CDYL: variants seen among roughly 807,000 people sequenced by gnomAD.
CDYL encodes chromodomain Y-like protein.
A neutral mutation model predicts 47.3 loss-of-function variants in CDYL; 8 were observed. The observed-to-expected ratio is 0.17, with a 90% CI of 0.10 to 0.31. CDYL has a LOEUF of 0.31. Among genes scored for constraint, CDYL ranks in the 10% least tolerant of loss-of-function variants. The probability of loss-of-function intolerance (pLI) is 1.00; values close to 1 mark genes in which losing one functional copy is unlikely to be tolerated. For missense variants in CDYL, 471 were observed against 701.4 expected (o/e 0.67, Z 3.71); for synonymous variants, 266 against 265.0 (o/e 1.00, Z -0.04).
intron 1 of CDYL, among the ~76,000 whole-genome samples, chr6:4,815,415 T>G (rs1454664554): frequency 1.3e-5 from 2 of 152,200 alleles, no homozygotes; most frequent in Non-Finnish European, 2.9e-5. Flanking sequence ...TTCCTTAGTG[T>G]AGAATACTGT....
At chr6:4,839,411 C>G (rs542445972) in intron 1 of CDYL, among the ~76,000 whole-genome samples, 1 of 152,276 alleles carries the variant, frequency 6.6e-6, no homozygotes, top group East Asian at 1.9e-4. Context: ...TTTACAGAAG[C>G]TTTTTAGTTG....
chr6:4,852,095 A>T (rs1760845549), intron 1 of CDYL, among the ~76,000 whole-genome samples: 1 of 152,128 alleles, frequency 6.6e-6, no homozygotes, highest in South Asian at 2.1e-4. Flanking sequence ...CTGTTGGGTG[A>T]CATCTAGGCA....
chr6:4,900,797 A>ATATG (rs1561697551), intron 2 of CDYL, among the ~76,000 whole-genome samples: 2 of 71,934 alleles, frequency 2.8e-5, no homozygotes, highest in African/African-American at 1.2e-4. Flanking sequence ...ATATATATAT[A>ATATG]TATATATATA....
chr6:4,940,513 T>C (rs1036568196), intron 4 of CDYL, among the ~76,000 whole-genome samples: 1 of 152,004 alleles, frequency 6.6e-6, no homozygotes, highest in Non-Finnish European at 1.5e-5. Flanking sequence ...AACAGGAAGA[T>C]GAGGTTTCAT....
chr6:4,927,993 A>C (rs1581271107), intron 2 of CDYL, among the ~76,000 whole-genome samples: 1 of 152,176 alleles, frequency 6.6e-6, no homozygotes, highest in African/African-American at 2.4e-5. Flanking sequence ...CTGTTCTTAA[A>C]CTGATTCTAG....
At chr6:4,723,540 A>G (rs902431974) in intron 2 of CDYL, among the ~76,000 whole-genome samples, 1 of 152,150 alleles carries the variant, frequency 6.6e-6, no homozygotes, top group Non-Finnish European at 1.5e-5. Context: ...CAGCACCTGA[A>G]AAGGCAGAGG....
chr6:4,714,186 T>C (rs1400934132), intron 1 of CDYL: 1 of 151,032 alleles, frequency 6.6e-6, no homozygotes, highest in East Asian at 2.0e-4. Context: ...GACTCCACAG[T>C]CCATGTCCCC....
chr6:4,744,441 G>A (rs921693277), intron 3 of CDYL, among the ~76,000 whole-genome samples: 1 of 152,048 alleles, frequency 6.6e-6, no homozygotes, highest in Non-Finnish European at 1.5e-5. Context: ...GCTGCAGTGA[G>A]CTATGATTGA....
chr6:4,905,673 C>T (rs1453960053), intron 2 of CDYL, among the ~76,000 whole-genome samples: 2 of 152,236 alleles, frequency 1.3e-5, no homozygotes, highest in Admixed American at 6.5e-5. Context: ...GGGAGCCACT[C>T]GCCCCCAGCA....
intron 1 of CDYL, among the ~76,000 whole-genome samples, chr6:4,785,042 G>C (rs1053922293): frequency 2.6e-5 from 4 of 152,142 alleles, no homozygotes; most frequent in South Asian, 2.1e-4. Context: ...ACCCGGTCTC[G>C]GGTATGTCTT....
chr6:4,822,115 C>T (rs1332481480), intron 1 of CDYL, among the ~76,000 whole-genome samples: 1 of 151,920 alleles, frequency 6.6e-6, no homozygotes, highest in Admixed American at 6.6e-5. Context: ...ACTACAGGTG[C>T]ACACCACAGT....
intron 3 of CDYL, among the ~76,000 whole-genome samples, chr6:4,739,686 G>T (rs969108511): frequency 2.6e-5 from 4 of 152,116 alleles, no homozygotes; most frequent in Admixed American, 1.3e-4. Flanking sequence ...GGGCGTGGTG[G>T]CTCACACCTG....
intron 3 of CDYL, among the ~76,000 whole-genome samples, chr6:4,742,548 C>T (rs1757815866): frequency 1.3e-5 from 2 of 151,512 alleles, no homozygotes; most frequent in Non-Finnish European, 2.9e-5. Context: ...AGAAATATTG[C>T]AGGTATTGGC....
At chr6:4,895,854 C>T (rs953523379) in intron 2 of CDYL, among the ~76,000 whole-genome samples, 4 of 152,208 alleles carry the variant, frequency 2.6e-5, no homozygotes, top group African/African-American at 9.7e-5. Flanking sequence ...GATTTAGTGA[C>T]TTCCTTTCTA....
intron 1 of CDYL, among the ~76,000 whole-genome samples, chr6:4,838,123 T>C (rs971631510): frequency 8.5e-5 from 13 of 152,214 alleles, no homozygotes; most frequent in South Asian, 6.2e-4. Flanking sequence ...TTGTAATGCC[T>C]TGTGACTCTT....
At chr6:4,947,043 T>C (rs1758543808) in intron 5 of CDYL, among the ~76,000 whole-genome samples, 1 of 152,134 alleles carries the variant, frequency 6.6e-6, no homozygotes, top group Non-Finnish European at 1.5e-5. Context: ...GTCCAGCTTG[T>C]GGTTGGGCCC....
At chr6:4,829,560 C>G (rs555912515) in intron 1 of CDYL, among the ~76,000 whole-genome samples, 2 of 152,312 alleles carry the variant, frequency 1.3e-5, no homozygotes, top group Admixed American at 1.3e-4. Flanking sequence ...GCATGGCTGT[C>G]TTTCCCCTTA....
intron 2 of CDYL, among the ~76,000 whole-genome samples, chr6:4,900,779 G>GTGTGTATACATA: frequency 5.8e-5 from 3 of 51,706 alleles, no homozygotes; most frequent in African/African-American, 1.9e-4. Flanking sequence ...GTATACGTGT[G>GTGTGTATACATA]TATATATATA....
intron 5 of CDYL, among the ~76,000 whole-genome samples, chr6:4,950,372 G>T (rs1040069662): frequency 7.9e-5 from 12 of 152,168 alleles, no homozygotes; most frequent in African/African-American, 2.9e-4. Context: ...CAACTTCAGG[G>T]ATGTGGCTGT....
Sources: gnomAD v4.1 joint callset for allele counts (sites outside exome capture counted in the v4.1 genomes callset) on GRCh38, gnomAD v4.1.1 for gene constraint, MANE v1.5 for transcripts, NCBI Gene and HGNC (gene_info 2026-07-23, HGNC 2026-07-21) for gene names.